CIAO2B: variants seen among roughly 807,000 people sequenced by gnomAD.
The protein encoded by CIAO2B is MSS19-interacting protein of 18 kDa.
CIAO2B carries 20 observed loss-of-function variants against 16.4 expected under a neutral mutation model. That is an observed-to-expected ratio of 1.22 (90% CI 0.86 to 1.77). The LOEUF (loss-of-function observed/expected upper bound fraction) is 1.77. Among genes scored for constraint, CIAO2B ranks in the 40% most tolerant of loss-of-function variants. CIAO2B has a pLI of 0.00. For synonymous variants in CIAO2B, 106 were observed against 90.4 expected (o/e 1.17, Z -0.98); for missense variants, 215 against 222.4 (o/e 0.97, Z 0.21).
rs1158099542 is a variant in CIAO2B at position 66,933,987 on chromosome 16, C to A, written c.222G>T (p.Gln74His). ...ELNVVEQVRV[Q>H]VSDPESTVAV... ...CTCGCTCCCCTCGGAAGTGACTCACCTGAACCCGCACCTGCTCTACTACGT... is the reference window on the plus strand; with the variant it reads ...CTCGCTCCCCTCGGAAGTGACTCACATGAACCCGCACCTGCTCTACTACGT... Residue 74 changes from glutamine to histidine, a missense_variant and splice_region_variant, in exon 2 of 5, where the codon CAG becomes CAT. Physicochemically the swap from Gln to His is conservative, Grantham distance 24. Coordinates refer to ENST00000422424, the MANE Select transcript of CIAO2B (RefSeq NM_016062.4). 3 of 1,613,570 alleles carry A rather than the reference C, an allele frequency of 1.9e-6. No homozygotes were observed. Among genetic ancestry groups the A allele is most frequent in the Non-Finnish European group, 2.5e-6 (3 of 1,179,852 alleles).
chr16:66,932,116 G>C lies in CIAO2B; in HGVS notation c.*87C>G. On this transcript the variant is annotated 3_prime_UTR_variant, in exon 5 of 5. Coordinates refer to ENST00000422424, the MANE Select transcript of CIAO2B (RefSeq NM_016062.4). ...AAGCAAAATGTTAGTTTCTCATTGTGAGTGATTCAAGAAAACAACGGTAAC... is the reference window on the plus strand; with the variant it reads ...AAGCAAAATGTTAGTTTCTCATTGTCAGTGATTCAAGAAAACAACGGTAAC... 2.1e-6 allele frequency: 2 copies of C among 951,516 alleles called. No homozygotes were observed. The highest frequency in any genetic ancestry group is 3.2e-6 in the Non-Finnish European group (2 of 632,722). The allele number at this position is 951,516 out of a possible 1,614,324, so 58.9% of individuals were successfully genotyped here.
At position 66,934,110 on chromosome 16, in the gene CIAO2B, GA is replaced by G. The variant is rs761834129; in HGVS notation, c.143-45del. ...GGGACTCTGCGCCCTTGCCCACTTA[GA>G]ACCCTCTGCCAGGAACGCCCTGCTG... On this transcript the variant is annotated intron_variant, in intron 1 of 4. Transcript: ENST00000422424. The surrounding 1 kb of genome is among the most constrained non-coding windows in gnomAD (Gnocchi z 4.1). 6.2e-7 allele frequency: 1 copy of G among 1,612,300 alleles called. No homozygotes were observed. Among genetic ancestry groups the G allele is most frequent in the Non-Finnish European group, 8.5e-7 (1 of 1,179,340 alleles).
In CIAO2B at chr16:66,934,199, C is replaced by A; in HGVS notation, c.142+24G>T. ...CCCCACCGCAAGCCCCCGGAACCCG[C>A]CCGCGCCCAGCAGCGGCGGATATCG... On this transcript the variant is annotated intron_variant, in intron 1 of 4. Transcript: ENST00000422424. This position sits in a 1 kb window ranked among gnomAD's most constrained non-coding sequence, Gnocchi z 4.1. 6.2e-7 allele frequency: 1 copy of A among 1,608,188 alleles called. No individual in the cohort carries two copies. The highest frequency in any genetic ancestry group is 8.5e-7 in the Non-Finnish European group (1 of 1,177,382).
chr16:66,933,754 G>A lies in CIAO2B; in HGVS notation c.223-15C>T. 2 of 1,552,942 alleles carry A rather than the reference G, an allele frequency of 1.3e-6. No homozygotes were observed. Among genetic ancestry groups the A allele is most frequent in the Non-Finnish European group, 1.7e-6 (2 of 1,148,024 alleles). ...GGGTCGCTAACCTGGTTGTGGAGGAGAGATGTCAAGAGTCAACCACCCTCA... is the reference window on the plus strand; with the variant it reads ...GGGTCGCTAACCTGGTTGTGGAGGAAAGATGTCAAGAGTCAACCACCCTCA... On this transcript the variant is annotated splice_polypyrimidine_tract_variant and intron_variant, in intron 2 of 4. Transcript: ENST00000422424.
At chr16:66,933,891 C>G in intron 2 of CIAO2B, 96 bp downstream of exon 2, 1 of 1,561,812 alleles carries the variant, frequency 6.4e-7, no homozygotes, top group Non-Finnish European at 8.7e-7. Context: ...CCAAAGATAC[C>G]CTTCGGTGTT....
At chr16:66,933,880 C>T in intron 2 of CIAO2B, 107 bp downstream of exon 2, 1 of 1,549,394 alleles carries the variant, frequency 6.5e-7, no homozygotes, top group South Asian at 1.2e-5. Context: ...AATCTCCCTC[C>T]CCAAAGATAC....
Position 66,934,264 on chromosome 16 carries a change from T to G in CIAO2B, c.101A>C (p.Asp34Ala). ...GTCGATGCTGTCGGGAACCTGCTCGTCCTCCTCGCCTGCCGTCACAGGCCG... is the reference window on the plus strand; with the variant it reads ...GTCGATGCTGTCGGGAACCTGCTCGGCCTCCTCGCCTGCCGTCACAGGCCG... ...GERPVTAGEE[D>A]EQVPDSIDAR... Residue 34 changes from aspartate to alanine, a missense_variant, in exon 1 of 5, where the codon GAC becomes GCC. Coordinates refer to ENST00000422424, the MANE Select transcript of CIAO2B (RefSeq NM_016062.4). This position sits in a 1 kb window ranked among gnomAD's most constrained non-coding sequence, Gnocchi z 4.1. The G allele has an allele frequency of 6.2e-7, 1 of 1,609,042 alleles. No individual in the cohort carries two copies. The highest frequency in any genetic ancestry group is 8.5e-7 in the Non-Finnish European group (1 of 1,179,586).
Position 66,932,175 on chromosome 16 carries a change from A to G in CIAO2B, c.*28T>C. Reference sequence around the variant, plus strand: ...CAGGAGCTGGGACCAGGATACCAGTATGCAGGCTGAGGGGTCAAAGGCCAG... The same window carrying G: ...CAGGAGCTGGGACCAGGATACCAGTGTGCAGGCTGAGGGGTCAAAGGCCAG... On this transcript the variant is annotated 3_prime_UTR_variant, in exon 5 of 5. Coordinates refer to ENST00000422424, the MANE Select transcript of CIAO2B (RefSeq NM_016062.4). The G allele has an allele frequency of 6.4e-7, 1 of 1,573,528 alleles. No individual in the cohort carries two copies. Among genetic ancestry groups the G allele is most frequent in the African/African-American group, 1.3e-5 (1 of 74,122 alleles).
At chr16:66,933,394 T>C in intron 3 of CIAO2B, 2 of 650,156 alleles carry the variant, frequency 3.1e-6, no homozygotes, top group Admixed American at 6.2e-5. Flanking sequence ...CCTACTGCCC[T>C]TCCTGCCACA....
chr16:66,933,807 G>A (rs1416542533), intron 2 of CIAO2B, 68 bp from the exon 3 acceptor site: 3 of 1,541,980 alleles, frequency 1.9e-6, no homozygotes, highest in Non-Finnish European at 2.6e-6. Flanking sequence ...TTAGTTTGTT[G>A]TTTTGGGCAA....
At chr16:66,933,549 G>C in intron 3 of CIAO2B, 65 bp downstream of exon 3, 2 of 1,573,214 alleles carry the variant, frequency 1.3e-6, no homozygotes, top group Non-Finnish European at 1.7e-6. Context: ...TGCTCTCCCA[G>C]TCCCCATCCT....
At position 66,934,338 on chromosome 16, in the gene CIAO2B, GC is replaced by G; in HGVS notation, c.26del (p.Gly9AlafsTer20). 1 of 1,581,250 alleles carries G rather than the reference GC, an allele frequency of 6.3e-7. No individual in the cohort carries two copies. On this transcript the variant is annotated frameshift_variant, in exon 1 of 5. Transcript: ENST00000422424. LOFTEE classifies it high-confidence loss of function. The surrounding 1 kb of genome is among the most constrained non-coding windows in gnomAD (Gnocchi z 4.1). The stretch of plus-strand genomic sequence containing the variant: ...GGGGGTTGGCATTCTCCAGGAGGCC[GC>G]CGCCGACCCCGCCGCCGCCTACCAT... MVGGGGVG[G>X]GLLENANPLI...
intron 3 of CIAO2B, 55 bp from the exon 4 acceptor site, chr16:66,932,880 C>G: frequency 6.3e-7 from 1 of 1,588,672 alleles, no homozygotes; most frequent in Non-Finnish European, 8.6e-7. Context: ...ACACTTTTCC[C>G]TGCAGCCCCC....
Position 66,934,203 on chromosome 16 carries a change from CG to C in CIAO2B, c.142+19del. On this transcript the variant is annotated intron_variant, in intron 1 of 4. Transcript: ENST00000422424. The surrounding 1 kb of genome is among the most constrained non-coding windows in gnomAD (Gnocchi z 4.1). ...ACCGCAAGCCCCCGGAACCCGCCCG[CG>C]CCCAGCAGCGGCGGATATCGAAGAT... The C allele has an allele frequency of 6.2e-7, 1 of 1,608,078 alleles. No individual in the cohort carries two copies. The highest frequency in any genetic ancestry group is 1.3e-5 in the African/African-American group (1 of 74,996).
intron 4 of CIAO2B, 23 bp downstream of exon 4, chr16:66,932,757 C>T (rs1349759012): frequency 3.7e-6 from 6 of 1,605,490 alleles, no homozygotes; most frequent in Non-Finnish European, 5.1e-6. Flanking sequence ...GGGCCAACAC[C>T]CTCACCACCA....
Position 66,934,341 on chromosome 16 carries a change from G to A in CIAO2B, c.24C>T (p.Gly8=), listed in dbSNP as rs1377271535. 2 of 1,572,924 alleles carry A rather than the reference G, an allele frequency of 1.3e-6. No homozygotes were observed. The highest frequency in any genetic ancestry group is 8.6e-7 in the Non-Finnish European group (1 of 1,166,006). Residue 8 remains glycine (G), a synonymous_variant, in exon 1 of 5, where the codon GGC becomes GGT. Coordinates refer to ENST00000422424, the MANE Select transcript of CIAO2B (RefSeq NM_016062.4). The surrounding 1 kb of genome is among the most constrained non-coding windows in gnomAD (Gnocchi z 4.1). ...GGTTGGCATTCTCCAGGAGGCCGCC[G>A]CCGACCCCGCCGCCGCCTACCATCG... The part of the protein sequence containing the change: MVGGGGV[G]GGLLENANPL...
In CIAO2B at chr16:66,932,510, TG is replaced by T. The variant is rs755601848; in HGVS notation, c.395-211del. ...TCTGCCTTCTTAGGATCCCTCCCCC[TG>T]GCTGCCTCCTGCGCTGCTGAAGCCT... On this transcript the variant is annotated intron_variant, in intron 4 of 4. Coordinates refer to ENST00000422424, the MANE Select transcript of CIAO2B (RefSeq NM_016062.4). The T allele has an allele frequency of 5.3e-5, 38 of 716,848 alleles. No individual in the cohort carries two copies. In the African/African-American group the frequency reaches 6.1e-4, roughly 11 times the overall value. The allele number at this position is 716,848 out of a possible 1,614,324, so 44.4% of individuals were successfully genotyped here.
At chr16:66,932,862 A>G in intron 3 of CIAO2B, 37 bp from the exon 4 acceptor site, 1 of 1,606,178 alleles carries the variant, frequency 6.2e-7, no homozygotes, top group East Asian at 2.2e-5. Flanking sequence ...ACACCCACCC[A>G]CCGACCCACA....
In CIAO2B at chr16:66,934,181, G is replaced by C; in HGVS notation, c.142+42C>G. Reference sequence around the variant, plus strand: ...GCTCGATATCACTGCTCCCCCCACCGCAAGCCCCCGGAACCCGCCCGCGCC... The same window carrying C: ...GCTCGATATCACTGCTCCCCCCACCCCAAGCCCCCGGAACCCGCCCGCGCC... On this transcript the variant is annotated intron_variant, in intron 1 of 4. Transcript: ENST00000422424. This position sits in a 1 kb window ranked among gnomAD's most constrained non-coding sequence, Gnocchi z 4.1. 1 of 1,607,942 alleles carries C rather than the reference G, an allele frequency of 6.2e-7. No individual in the cohort carries two copies. The highest frequency in any genetic ancestry group is 8.5e-7 in the Non-Finnish European group (1 of 1,177,372).
Sources: allele counts gnomAD v4.1 joint callset, GRCh38; gene constraint gnomAD v4.1.1; non-coding constraint Gnocchi (gnomAD v3.1); transcripts MANE v1.5; gene names NCBI Gene and HGNC (gene_info 2026-07-23, HGNC 2026-07-21).